The following TMEM87A variants were observed in gnomAD, a reference collection of about 807,000 sequenced individuals.
TMEM87A encodes Golgi-pH regulating cation channel.
Under a neutral mutation model 90.0 loss-of-function variants are expected in TMEM87A, and 50 were observed. That is an observed-to-expected ratio of 0.56 (90% CI 0.44 to 0.70). The LOEUF (loss-of-function observed/expected upper bound fraction) is 0.70. TMEM87A is among the 30% of genes least tolerant of loss of function. The pLI is 0.00. For synonymous variants in TMEM87A, 226 were observed against 226.7 expected (o/e 1.00, Z 0.03); for missense variants, 577 against 660.5 (o/e 0.87, Z 1.39).
In TMEM87A at chr15:42,220,067, C is replaced by G. The variant is rs768604471; in HGVS notation, c.1472G>C (p.Ser491Thr). 33 of 1,598,210 alleles carry G rather than the reference C, an allele frequency of 2.1e-5. No homozygotes were observed. The South Asian group carries it at 3.8e-4, about 18-fold the overall frequency. Residue 491 changes from serine (S) to threonine (T), a missense_variant, in exon 16 of 20, where the codon AGC (serine) becomes ACC (threonine). Transcript: ENST00000389834. ...GAGGTGAATTTTATTATTACCAAAG[C>G]TTTCTTTCAGCATAGGCTCCTTTTG... ...DEQKEPMLKE[S>T]FEGMKMRSTK...
chr15:42,258,899 C>A, intron 6 of TMEM87A: 1 of 1,406,752 alleles, frequency 7.1e-7, no homozygotes, highest in East Asian at 2.5e-5. Context: ...AAAACACTGG[C>A]AAAAACTATC....
chr15:42,230,711 G>T (rs1340714219), intron 12 of TMEM87A, among the ~76,000 whole-genome samples: 1 of 152,096 alleles, frequency 6.6e-6, no homozygotes, highest in Non-Finnish European at 1.5e-5. Flanking sequence ...CACTCCATAA[G>T]GGTTAAAACC....
chr15:42,269,708 G>A (rs894445085), intron 2 of TMEM87A, among the ~76,000 whole-genome samples: 46 of 150,338 alleles, frequency 3.1e-4, no homozygotes, highest in Admixed American at 5.3e-4. Flanking sequence ...AGGCCGAGGC[G>A]GGTGGATCAT....
intron 19 of TMEM87A, among the ~76,000 whole-genome samples, chr15:42,213,753 T>C (rs2050333911): frequency 6.6e-6 from 1 of 152,184 alleles, no homozygotes; most frequent in African/African-American, 2.4e-5. Flanking sequence ...GGTGTTCTCC[T>C]GTACAATGCC....
At chr15:42,230,475 C>A (rs1467382086) in intron 12 of TMEM87A, among the ~76,000 whole-genome samples, 2 of 152,080 alleles carry the variant, frequency 1.3e-5, no homozygotes, top group African/African-American at 2.4e-5. Flanking sequence ...AAAACCAAAA[C>A]AAATTCAATA....
intron 6 of TMEM87A, among the ~76,000 whole-genome samples, chr15:42,253,690 A>G (rs550182049): frequency 6.6e-6 from 1 of 152,336 alleles, no homozygotes; most frequent in Non-Finnish European, 1.5e-5. Context: ...AAATTACAAT[A>G]TCACTGCACT....
intron 8 of TMEM87A, among the ~76,000 whole-genome samples, chr15:42,238,966 C>CA (rs1184736243): frequency 1.3e-5 from 2 of 152,020 alleles, no homozygotes; most frequent in East Asian, 3.9e-4. Flanking sequence ...TTCTGAGACA[C>CA]AGACGTATGC....
intron 6 of TMEM87A, among the ~76,000 whole-genome samples, chr15:42,253,474 T>G (rs1341948751): frequency 6.6e-6 from 1 of 152,132 alleles, no homozygotes; most frequent in Non-Finnish European, 1.5e-5. Context: ...AGGAAGCCAC[T>G]CCAGCCCTGG....
At chr15:42,223,412 G>A (rs1035052908) in intron 15 of TMEM87A, among the ~76,000 whole-genome samples, 9 of 152,054 alleles carry the variant, frequency 5.9e-5, no homozygotes, top group Admixed American at 2.6e-4. Context: ...AAATTCCTAC[G>A]AATCAATACA....
At chr15:42,228,647 C>T (rs2050636983) in intron 13 of TMEM87A, 65 bp downstream of exon 13, 1 of 1,386,684 alleles carries the variant, frequency 7.2e-7, no homozygotes, top group Non-Finnish European at 1.0e-6. Flanking sequence ...CATGGCCTTT[C>T]AGGTTAAGAA....
rs1259496209 is a variant in TMEM87A at position 42,227,750 on chromosome 15, G to T, written c.1260C>A (p.Ile420=). Reference sequence around the variant, plus strand: ...CTATTCTGAACTTCATGGTTGTCCAGATGATAAACACAATGGATGCTAACA... The same window carrying T: ...CTATTCTGAACTTCATGGTTGTCCATATGATAAACACAATGGATGCTAACA... The part of the protein sequence containing the change: ...LAVAASIVFI[I]WTTMKFRIVT... The change falls in exon 14 of 20, where the codon ATC becomes ATA. Residue 420 remains isoleucine, a synonymous_variant. Coordinates refer to ENST00000389834, the MANE Select transcript of TMEM87A (RefSeq NM_015497.5). 1 of 1,613,936 alleles carries T rather than the reference G, an allele frequency of 6.2e-7. No individual in the cohort carries two copies. The highest frequency in any genetic ancestry group is 1.1e-5 in the South Asian group (1 of 91,082).
chr15:42,264,699 A>ATATATATATTTTTTTTTT (rs10681614), intron 3 of TMEM87A, among the ~76,000 whole-genome samples: 3 of 109,422 alleles, frequency 2.7e-5, no homozygotes, highest in Non-Finnish European at 5.7e-5. Flanking sequence ...ATATATATAT[A>ATATATATATTTTTTTTTT]TTTTTTTTTT....
intron 13 of TMEM87A, among the ~76,000 whole-genome samples, chr15:42,228,124 A>G (rs1461967098): frequency 1.3e-5 from 2 of 152,180 alleles, no homozygotes; most frequent in Admixed American, 1.3e-4. Flanking sequence ...TCCTTAGTAT[A>G]GTAATGCTAA....
At chr15:42,223,920 G>A (rs560890835) in intron 15 of TMEM87A, among the ~76,000 whole-genome samples, 1 of 151,930 alleles carries the variant, frequency 6.6e-6, no homozygotes, top group African/African-American at 2.4e-5. Flanking sequence ...TTTCTTTCAG[G>A]TTTTTTTTGG....
chr15:42,266,499 G>C (rs1194679347), intron 3 of TMEM87A, among the ~76,000 whole-genome samples: 1 of 141,846 alleles, frequency 7.0e-6, no homozygotes, highest in African/African-American at 2.6e-5. Context: ...CTGGGTGACA[G>C]AGTGAGACTC....
intron 3 of TMEM87A, among the ~76,000 whole-genome samples, chr15:42,266,929 A>C (rs1405564770): frequency 2.0e-5 from 3 of 152,208 alleles, no homozygotes; most frequent in African/African-American, 7.2e-5. Context: ...AAAAACTACC[A>C]TTACTCAGAC....
At chr15:42,258,553 A>AGG (rs1208738689) in intron 6 of TMEM87A, 1 of 363,474 alleles carries the variant, frequency 2.8e-6, no homozygotes, top group Non-Finnish European at 3.9e-6. Context: ...CAGCCTCCTG[A>AGG]GTAGCTTGGA....
chr15:42,222,149 C>A (rs545601487), intron 15 of TMEM87A, among the ~76,000 whole-genome samples: 39 of 152,208 alleles, frequency 2.6e-4, no homozygotes, highest in Admixed American at 3.9e-4. Context: ...CAACCTCCCC[C>A]TCCTGGGGTT....
rs1566917590 is a variant in TMEM87A at position 42,210,456 on chromosome 15, T to G, written c.*1252A>C. ...ATAAGACAATCTAGAATAAAAGCCA[T>G]AGAAAGAAATTTTTCATGAGTTTGA... On this transcript the variant is annotated 3_prime_UTR_variant, in exon 20 of 20. Transcript: ENST00000389834. 1 of 152,116 alleles carries G rather than the reference T, an allele frequency of 6.6e-6. No homozygotes were observed. 9.4% of individuals were successfully genotyped at this position (152,116 alleles called of 1,614,324 possible).
Sources: gnomAD v4.1 joint callset for allele counts (sites outside exome capture counted in the v4.1 genomes callset) on GRCh38, gnomAD v4.1.1 for gene constraint, MANE v1.5 for transcripts, NCBI Gene and HGNC (gene_info 2026-07-23, HGNC 2026-07-21) for gene names.